Variants in CES5A observed in about 807,000 individuals in gnomAD.
The protein encoded by CES5A is carboxylesterase 5A, also known as carboxylesterase 5.
In CES5A, 67 loss-of-function variants were observed where a neutral mutation model predicts 62.9. That is an observed-to-expected ratio of 1.07 (90% CI 0.88 to 1.31). CES5A has a LOEUF of 1.31. CES5A is among the 50% of genes most tolerant of loss of function. The pLI is 0.00. For synonymous variants in CES5A, 296 were observed against 280.8 expected, an observed-to-expected ratio of 1.05 and a Z score of -0.54; for missense variants, 748 against 708.5, an observed-to-expected ratio of 1.06 and a Z score of -0.63.
intron 1 of CES5A, among the ~76,000 whole-genome samples, chr16:55,901,973 G>A (rs1216710758): frequency 2.0e-5 from 3 of 152,186 alleles, no homozygotes; most frequent in Non-Finnish European, 2.9e-5. Context: ...CAACAGGGAA[G>A]GATCGCAGCC....
chr16:55,881,719 G>A (rs1323076471), intron 1 of CES5A, among the ~76,000 whole-genome samples: 1 of 152,212 alleles, frequency 6.6e-6, no homozygotes, highest in African/African-American at 2.4e-5. Context: ...TCCTGAGAGT[G>A]ACAGAGGATC....
At chr16:55,945,105 C>T (rs2034480733) in intron 2 of CES5A, among the ~76,000 whole-genome samples, 1 of 152,116 alleles carries the variant, frequency 6.6e-6, no homozygotes, top group South Asian at 2.1e-4. Flanking sequence ...CTGGCCAGTT[C>T]TTTGGCTTGG....
intron 1 of CES5A, among the ~76,000 whole-genome samples, chr16:55,901,686 C>G (rs2033992066): frequency 6.6e-6 from 1 of 152,182 alleles, no homozygotes; most frequent in African/African-American, 2.4e-5. Context: ...CTGGAATCAC[C>G]TGCCAAGGCC....
intron 2 of CES5A, among the ~76,000 whole-genome samples, chr16:55,931,055 T>C (rs1442534623): frequency 6.6e-6 from 1 of 152,198 alleles, no homozygotes; most frequent in Non-Finnish European, 1.5e-5. Context: ...TATGGAGAAA[T>C]CAAGGCCCAG....
intron 1 of CES5A, among the ~76,000 whole-genome samples, chr16:55,954,160 A>G (rs1397714014): frequency 6.6e-6 from 1 of 152,150 alleles, no homozygotes; most frequent in Non-Finnish European, 1.5e-5. Flanking sequence ...GTCTTTCAAT[A>G]CCTGCTTTTT....
chr16:55,890,722 C>T (rs1420222), intron 1 of CES5A, among the ~76,000 whole-genome samples: 1,863 of 151,908 alleles, frequency 0.012, 66 homozygotes, highest in East Asian at 0.11. Context: ...CTGTTTTTTT[C>T]TTATCTTGCC....
upstream of CES5A, among the ~76,000 whole-genome samples, chr16:55,879,565 G>C (rs77511105): frequency 0.016 from 2,462 of 152,204 alleles, 23 homozygotes; most frequent in Middle Eastern, 0.054. Flanking sequence ...TATATCCAGT[G>C]TTTATTATGT....
intron 1 of CES5A, among the ~76,000 whole-genome samples, chr16:55,906,459 C>A (rs1212852398): frequency 6.6e-6 from 1 of 152,200 alleles, no homozygotes; most frequent in Non-Finnish European, 1.5e-5. Context: ...TCAGTGAATA[C>A]TTATTGAATC....
rs1486175122 is a variant in CES5A at position 55,952,204 on chromosome 16, A to G, written c.43-2302T>C. Among the ~76,000 whole-genome samples the G allele has an allele frequency of 5.3e-5, 8 of 152,210 alleles. No homozygotes were observed. The East Asian group carries it at 1.2e-3, about 22-fold the overall frequency. ...GAAAATAACTCTTAGGTTAGCAAAG[A>G]AAAAAGTATTACTATTTAGAAATGA... On this transcript the variant is annotated intron_variant, in intron 1 of 13. Coordinates refer to the CES5A transcript ENST00000521992.
intron 1 of CES5A, among the ~76,000 whole-genome samples, chr16:55,922,383 CAGA>C (rs2034214197): frequency 6.6e-6 from 1 of 151,610 alleles, no homozygotes; most frequent in African/African-American, 2.4e-5. Flanking sequence ...CAAAAAGGAG[CAGA>C]AGTAGTTATA....
intron 2 of CES5A, among the ~76,000 whole-genome samples, chr16:55,947,914 A>G (rs1311375510): frequency 1.3e-5 from 2 of 152,028 alleles, no homozygotes; most frequent in Non-Finnish European, 2.9e-5. Flanking sequence ...TTAAAATGGG[A>G]TGGAAAATAT....
At position 55,859,624 on chromosome 16, in the gene CES5A, A is replaced by G. The variant is rs751955942; in HGVS notation, c.979T>C (p.Leu327=). ...ATTGCTTTAAATGCTTTCTGAGACA[A>G]TAGATCTAGAGGCTCATTAGGAAAG... The part of the protein sequence containing the change: ...AFFPNEPLDL[L]SQKAFKAIPS... The change falls in exon 8 of 13, where the codon TTG becomes CTG. Residue 327 remains leucine (L), a synonymous_variant. Coordinates refer to ENST00000290567, the MANE Select transcript of CES5A (RefSeq NM_001143685.2). 3.7e-6 allele frequency: 6 copies of G among 1,613,636 alleles called. No individual in the cohort carries two copies. Among genetic ancestry groups the G allele is most frequent in the South Asian group, 3.3e-5 (3 of 90,952 alleles).
At chr16:55,876,995 G>A (rs756170782), upstream of CES5A, among the ~76,000 whole-genome samples, 1 of 152,122 alleles carries the variant, frequency 6.6e-6, no homozygotes, top group African/African-American at 2.4e-5. Context: ...GTCAGTCAGG[G>A]GGAATCAGTG....
chr16:55,863,602 T>C, intron 5 of CES5A, 150 bp from the exon 6 acceptor site: 1 of 603,020 alleles, frequency 1.7e-6, no homozygotes, highest in Non-Finnish European at 3.0e-6. Flanking sequence ...GTTAAAGGAC[T>C]AGCTGTGAAG....
chr16:55,865,970 G>T lies in CES5A; in HGVS notation c.698C>A (p.Ser233Tyr). The change falls in exon 5 of 13, where the codon TCT becomes TAT. Residue 233 changes from serine to tyrosine, a missense_variant. By Grantham distance (144) the Ser-to-Tyr change is moderately radical. Coordinates refer to ENST00000290567, the MANE Select transcript of CES5A (RefSeq NM_001143685.2). Reference protein sequence around the residue: ...FGESAGAISVSSLILSPMAKG... With the variant: ...FGESAGAISVYSLILSPMAKG... The stretch of plus-strand genomic sequence containing the variant: ...ACAAAGCAGAGAACTCACAAGACTA[G>T]AAACACTTATGGCTCCCGCGGACTC... 1.2e-6 allele frequency: 2 copies of T among 1,614,134 alleles called. No individual in the cohort carries two copies. Among genetic ancestry groups the T allele is most frequent in the South Asian group, 1.1e-5 (1 of 91,072 alleles).
chr16:55,879,507 C>T (rs1008445274), upstream of CES5A, among the ~76,000 whole-genome samples: 1 of 152,070 alleles, frequency 6.6e-6, no homozygotes, highest in East Asian at 1.9e-4. Context: ...TCACTGCACC[C>T]CATCACTGTA....
Position 55,871,620 on chromosome 16 carries a change from C to T in CES5A, c.417+5G>A, listed in dbSNP as rs766662841. On this transcript the variant is annotated splice_donor_5th_base_variant and intron_variant, in intron 3 of 12. Coordinates refer to ENST00000290567, the MANE Select transcript of CES5A (RefSeq NM_001143685.2). ...GAGCCCGAAGCACACAGCAGGCAGC[C>T]TTACGGGGAGCTTGGAGCCTGTATC... 23 of 1,613,994 alleles carry T rather than the reference C, an allele frequency of 1.4e-5. No individual in the cohort carries two copies. Among genetic ancestry groups the T allele is most frequent in the Non-Finnish European group, 1.9e-5 (22 of 1,180,008 alleles).
chr16:55,924,492 C>G (rs2034239401), intron 1 of CES5A, among the ~76,000 whole-genome samples: 1 of 151,904 alleles, frequency 6.6e-6, no homozygotes, highest in Non-Finnish European at 1.5e-5. Context: ...AATGACCATA[C>G]TACCCAAAGC....
chr16:55,898,152 G>T (rs1241143043), intron 1 of CES5A, among the ~76,000 whole-genome samples: 3 of 152,162 alleles, frequency 2.0e-5, no homozygotes, highest in Non-Finnish European at 4.4e-5. Context: ...GGTAAAAATT[G>T]ATTTATGCAC....
Sources: gnomAD v4.1 joint callset for allele counts (sites outside exome capture counted in the v4.1 genomes callset) on GRCh38, gnomAD v4.1.1 for gene constraint, MANE v1.5 for transcripts, NCBI Gene and HGNC (gene_info 2026-07-23, HGNC 2026-07-21) for gene names.